Variants in PSORS1C1 observed in about 807,000 individuals in gnomAD.
PSORS1C1 encodes psoriasis susceptibility 1 candidate 1, also known as psoriasis susceptibility 1 candidate gene 1 protein.
In PSORS1C1, 7 loss-of-function variants were observed where a neutral mutation model predicts 9.4. The observed-to-expected ratio is 0.75, with a 90% CI of 0.42 to 1.40. The LOEUF is 1.40. Ranked by LOEUF, PSORS1C1 falls within the 40% of genes most tolerant of loss-of-function variation. PSORS1C1 has a pLI of 0.01. For synonymous variants in PSORS1C1, 63 were observed against 69.4 expected (o/e 0.91, Z 0.46); for missense variants, 146 against 178.1 (o/e 0.82, Z 1.02).
rs368871030 is a variant in PSORS1C1 at position 31,126,496 on chromosome 6, C to T, written c.-65+657C>T. Among the ~76,000 whole-genome samples, 94 of 151,942 alleles carry T rather than the reference C, an allele frequency of 6.2e-4. No individual in the cohort carries two copies. The East Asian group carries it at 8.1e-3, about 13-fold the overall frequency. ...TATTCCTGGTGTGGGCGGTGCTCGGCTCTACCTTTCCTTCCTTCTTCCCTG... is the reference window on the plus strand; with the variant it reads ...TATTCCTGGTGTGGGCGGTGCTCGGTTCTACCTTTCCTTCCTTCTTCCCTG... On this transcript the variant is annotated intron_variant, in intron 2 of 5. Transcript: ENST00000259881.
At chr6:31,119,528 T>G (rs9263671) in intron 1 of PSORS1C1, among the ~76,000 whole-genome samples, 5 of 152,002 alleles carry the variant, frequency 3.3e-5, no homozygotes, top group Non-Finnish European at 5.9e-5. Context: ...CTTTCCTAAC[T>G]TCTCTGAGCC....
At chr6:31,138,052 C>T (rs1773239101) in intron 3 of PSORS1C1, 5 of 1,536,778 alleles carry the variant, frequency 3.3e-6, no homozygotes, top group Non-Finnish European at 4.4e-6. Flanking sequence ...GGCTGGGGTC[C>T]TGCCGGCCAA....
intron 1 of PSORS1C1, chr6:31,116,868 A>T (rs1391503242): frequency 6.2e-7 from 1 of 1,613,268 alleles, no homozygotes; most frequent in Non-Finnish European, 8.5e-7. Context: ...CAGGCCTCTG[A>T]CCCCCTGACA....
Position 31,114,903 on chromosome 6 carries a change from T to C in PSORS1C1, c.-229+12T>C, listed in dbSNP as rs1442476130. ...ATGGCATCTAGAAGGTGAGGAATGC[T>C]AATGGTGGAAGAAAAGGAGTTTGGG... On this transcript the variant is annotated intron_variant, in intron 1 of 5. Coordinates refer to ENST00000259881, the MANE Select transcript of PSORS1C1 (RefSeq NM_014068.3). 2.3e-6 allele frequency: 1 copy of C among 441,950 alleles called. No individual in the cohort carries two copies. Among genetic ancestry groups the C allele is most frequent in the Non-Finnish European group, 4.5e-6 (1 of 222,174 alleles). The allele number at this position is 441,950 out of a possible 1,614,324, so 27.4% of individuals were successfully genotyped here.
chr6:31,117,612 C>T (rs1245072839), intron 1 of PSORS1C1: 1 of 1,203,686 alleles, frequency 8.3e-7, no homozygotes. Context: ...AGTCATCGGC[C>T]TCTCGGGTTT....
At chr6:31,134,548 G>T (rs1008833605) in intron 3 of PSORS1C1, among the ~76,000 whole-genome samples, 1 of 151,718 alleles carries the variant, frequency 6.6e-6, no homozygotes, top group African/African-American at 2.4e-5. Flanking sequence ...CTCGTGATTC[G>T]CCCGCCTTGG....
chr6:31,117,335 C>T (rs1188819621), intron 1 of PSORS1C1: 3 of 1,577,882 alleles, frequency 1.9e-6, no homozygotes, highest in Non-Finnish European at 1.7e-6. Context: ...ATGCTGGATC[C>T]GCTGGAGCTA....
intron 1 of PSORS1C1, among the ~76,000 whole-genome samples, chr6:31,121,840 T>G (rs1434514770): frequency 3.3e-5 from 5 of 152,246 alleles, no homozygotes; most frequent in African/African-American, 1.2e-4. Context: ...ACTGGCCACA[T>G]GGAGCAAGTT....
chr6:31,130,419 T>C (rs201141036), intron 3 of PSORS1C1, among the ~76,000 whole-genome samples: 1 of 12,334 alleles, frequency 8.1e-5, no homozygotes, highest in African/African-American at 1.0e-3. Flanking sequence ...AATTGTTTGT[T>C]TTTTTTTTTT....
At chr6:31,130,254 A>G (rs1380327447) in intron 3 of PSORS1C1, among the ~76,000 whole-genome samples, 1 of 147,642 alleles carries the variant, frequency 6.8e-6, no homozygotes, top group Non-Finnish European at 1.5e-5. Flanking sequence ...TCCCCACCCT[A>G]GGCACAATTT....
intron 1 of PSORS1C1, chr6:31,117,372 G>A (rs1772212440): frequency 6.3e-7 from 1 of 1,575,190 alleles, no homozygotes; most frequent in Non-Finnish European, 8.6e-7. Context: ...CAGAGCTTCT[G>A]GCACTGGAAA....
intron 2 of PSORS1C1, 68 bp downstream of exon 2, chr6:31,125,907 G>T (rs1455515877): frequency 6.6e-6 from 1 of 152,254 alleles, no homozygotes; most frequent in African/African-American, 2.4e-5. Context: ...ATAAAAGAAT[G>T]GAAGAATGTG....
chr6:31,132,848 TAAA>T (rs9281221), intron 3 of PSORS1C1, among the ~76,000 whole-genome samples: 2 of 140,358 alleles, frequency 1.4e-5, no homozygotes, highest in Admixed American at 7.1e-5. Context: ...GACCCTGTCT[TAAA>T]AAAAAAAAAA....
At chr6:31,134,388 C>T (rs1773051590) in intron 3 of PSORS1C1, among the ~76,000 whole-genome samples, 2 of 149,294 alleles carry the variant, frequency 1.3e-5, no homozygotes, top group South Asian at 2.1e-4. Flanking sequence ...CTGCAAGCTC[C>T]ACCTCCCAGG....
At chr6:31,131,597 C>CATAAA (rs1772915236) in intron 3 of PSORS1C1, among the ~76,000 whole-genome samples, 1 of 78,394 alleles carries the variant, frequency 1.3e-5, no homozygotes, top group Non-Finnish European at 2.4e-5. Flanking sequence ...GACTCCGTCT[C>CATAAA]AAAAAAAAAA....
At chr6:31,132,193 G>A (rs1480160079) in intron 3 of PSORS1C1, among the ~76,000 whole-genome samples, 1 of 152,192 alleles carries the variant, frequency 6.6e-6, no homozygotes, top group African/African-American at 2.4e-5. Flanking sequence ...TCGTGCCACT[G>A]TACTCCAGCC....
At chr6:31,138,530 A>G in intron 4 of PSORS1C1, 71 bp downstream of exon 4, 1 of 1,605,676 alleles carries the variant, frequency 6.2e-7, no homozygotes, top group Non-Finnish European at 8.5e-7. Context: ...TGAACCGTTC[A>G]CTTGACCCAC....
At chr6:31,117,193 G>A (rs768318080) in intron 1 of PSORS1C1, 11 of 1,613,138 alleles carry the variant, frequency 6.8e-6, no homozygotes, top group Middle Eastern at 1.7e-4. Context: ...GCTGTTTCCC[G>A]AGTGAGAGCT....
In PSORS1C1 at chr6:31,138,423, C is replaced by T; in HGVS notation, c.14-7C>T. The T allele has an allele frequency of 6.8e-6, 11 of 1,612,512 alleles. No homozygotes were observed. Among genetic ancestry groups the T allele is most frequent in the Non-Finnish European group, 9.3e-6 (11 of 1,179,838 alleles). The stretch of plus-strand genomic sequence containing the variant: ...GATGGACGCAGCCTGAACTGACCCA[C>T]AAACAGACCAAAAAAGTCACTCTCA... On this transcript the variant is annotated splice_polypyrimidine_tract_variant and splice_region_variant and intron_variant, in intron 3 of 5. Transcript: ENST00000259881.
Sources: allele counts gnomAD v4.1 joint callset (sites outside exome capture counted in the v4.1 genomes callset), GRCh38; gene constraint gnomAD v4.1.1; transcripts MANE v1.5; gene names NCBI Gene and HGNC (gene_info 2026-07-23, HGNC 2026-07-21).